KAZALD1: variants seen among roughly 807,000 people sequenced by gnomAD.
The protein encoded by KAZALD1 is Kazal type serine peptidase inhibitor domain 1, also known as kazal-type serine protease inhibitor domain-containing protein 1.
Under a neutral mutation model 27.7 loss-of-function variants are expected in KAZALD1, and 31 were observed. The observed-to-expected ratio is 1.12, with a 90% CI of 0.84 to 1.51. The LOEUF is 1.51. KAZALD1 is among the 40% of genes most tolerant of loss of function. The pLI, the probability that KAZALD1 is intolerant of heterozygous loss-of-function variation, is 0.00. For missense variants in KAZALD1, 444 were observed against 408.9 expected (o/e 1.09, Z -0.74); for synonymous variants, 179 against 182.0 (o/e 0.98, Z 0.13).
intron 2 of KAZALD1, among the ~76,000 whole-genome samples, chr10:101,063,492 C>T (rs1237138262): frequency 6.6e-6 from 1 of 152,224 alleles, no homozygotes; most frequent in Non-Finnish European, 1.5e-5. Context: ...GAGATGCAAT[C>T]ACGTTTCATT....
At position 101,064,607 on chromosome 10, in the gene KAZALD1, G is replaced by A; in HGVS notation, c.779G>A (p.Gly260Asp). The A allele has an allele frequency of 6.2e-7, 1 of 1,613,916 alleles. No individual in the cohort carries two copies. The highest frequency in any genetic ancestry group is 8.5e-7 in the Non-Finnish European group (1 of 1,180,020). ...TYRCLGRNAL[G>D]QVEAPASLTV... ...CGCTGCCTTGGCCGCAATGCCCTGGGTCAAGTGGAGGCCCCTGCTAGCTTG... is the reference window on the plus strand; with the variant it reads ...CGCTGCCTTGGCCGCAATGCCCTGGATCAAGTGGAGGCCCCTGCTAGCTTG... Residue 260 changes from glycine (G) to aspartate (D), a missense_variant, in exon 4 of 5, where the codon GGT (glycine) becomes GAT (aspartate). By Grantham distance (94) the Gly-to-Asp change is moderately conservative (BLOSUM62 -1). Transcript: ENST00000370200.
At position 101,066,716 on chromosome 10, in the gene KAZALD1, C is replaced by T. The variant is rs1939333406; in HGVS notation, c.*1796C>T. The T allele has an allele frequency of 1.1e-5, 4 of 352,028 alleles. No individual in the cohort carries two copies. The highest frequency in any genetic ancestry group is 2.3e-5 in the Non-Finnish European group (4 of 177,214). The allele number at this position is 352,028 out of a possible 1,614,324, so 21.8% of individuals were successfully genotyped here. ...CTCTGCGGGCCCATAGCTCCTACCG[C>T]GTCCACCTGCAGAGCAGAGGCTCCT... On this transcript the variant is annotated 3_prime_UTR_variant, in exon 5 of 5. Coordinates refer to ENST00000370200, the MANE Select transcript of KAZALD1 (RefSeq NM_030929.5).
chr10:101,062,453 T>C (rs1028820035), intron 1 of KAZALD1, 89 bp from the exon 2 acceptor site: 10 of 1,300,522 alleles, frequency 7.7e-6, no homozygotes, highest in Non-Finnish European at 9.3e-6. Context: ...GCGATGCTAG[T>C]GTCATGCTTT....
At position 101,062,866 on chromosome 10, in the gene KAZALD1, C is replaced by G. The variant is rs1228116418; in HGVS notation, c.274C>G (p.Leu92Val). Residue 92 changes from leucine (L) to valine (V), a missense_variant, in exon 2 of 5, where the codon CTG (leucine) becomes GTG (valine). Coordinates refer to ENST00000370200, the MANE Select transcript of KAZALD1 (RefSeq NM_030929.5). ...CAACCTCGAGGGCCAGCTCTGCGAC[C>G]TGGACCCCAGTGCTCACTTCTACGG... ...CANLEGQLCD[L>V]DPSAHFYGHC... The G allele has an allele frequency of 6.2e-7, 1 of 1,601,564 alleles. No homozygotes were observed. Among genetic ancestry groups the G allele is most frequent in the African/African-American group, 1.3e-5 (1 of 74,866 alleles).
chr10:101,067,150 A>C (rs1389490324), downstream of KAZALD1: 3 of 340,630 alleles, frequency 8.8e-6, no homozygotes, highest in Non-Finnish European at 1.8e-5. Context: ...AGGGGGAGGG[A>C]GGGGGAGGGA....
intron 1 of KAZALD1, 93 bp from the exon 2 acceptor site, chr10:101,062,449 C>G: frequency 7.9e-7 from 1 of 1,272,842 alleles, no homozygotes; most frequent in Admixed American, 2.4e-5. Context: ...GGGGGCGATG[C>G]TAGTGTCATG....
intron 2 of KAZALD1, 123 bp from the exon 3 acceptor site, chr10:101,064,138 T>C (rs74233210): frequency 0.01 from 9,876 of 949,116 alleles, 391 homozygotes; most frequent in East Asian, 0.091. Context: ...GATGTGTATT[T>C]ACCTCAGCAT....
At chr10:101,067,085 G>A (rs970271822), downstream of KAZALD1, 5 of 350,622 alleles carry the variant, frequency 1.4e-5, no homozygotes, top group African/African-American at 8.6e-5. Flanking sequence ...ATAAATGAGA[G>A]CGCGGGCGGC....
At position 101,066,479 on chromosome 10, in the gene KAZALD1, G is replaced by A. The variant is rs558181999; in HGVS notation, c.*1559G>A. ...GGAAGCGGGCGGCCCTAGGAGCCGC[G>A]CACAACAGCGCAAGCGGGCTGGATA... On this transcript the variant is annotated 3_prime_UTR_variant, in exon 5 of 5. Transcript: ENST00000370200. 106 of 456,442 alleles carry A rather than the reference G, an allele frequency of 2.3e-4. No individual in the cohort carries two copies. The highest frequency in any genetic ancestry group is 1.9e-3 in the African/African-American group (93 of 50,172). The allele number at this position is 456,442 out of a possible 1,614,324, so 28.3% of individuals were successfully genotyped here.
downstream of KAZALD1, chr10:101,067,747 G>C (rs1590103582): frequency 2.8e-6 from 1 of 361,784 alleles, no homozygotes; most frequent in East Asian, 7.6e-5. Context: ...GTGACCGGGG[G>C]GGTCGATGTG....
At position 101,066,390 on chromosome 10, in the gene KAZALD1, C is replaced by A; in HGVS notation, c.*1470C>A. 2.2e-6 allele frequency: 1 copy of A among 456,758 alleles called. No homozygotes were observed. Among genetic ancestry groups the A allele is most frequent in the Non-Finnish European group, 4.4e-6 (1 of 226,958 alleles). 28.3% of individuals were successfully genotyped at this position (456,758 alleles called of 1,614,324 possible). Reference sequence around the variant, plus strand: ...CCCCTCCCGCGGCTACGCACTACTCCATCTACTGCTGGCTTGCCCCGGGTC... The same window carrying A: ...CCCCTCCCGCGGCTACGCACTACTCAATCTACTGCTGGCTTGCCCCGGGTC... On this transcript the variant is annotated 3_prime_UTR_variant, in exon 5 of 5. Transcript: ENST00000370200.
At chr10:101,064,056 G>A (rs1939244837) in intron 2 of KAZALD1, 3 of 608,610 alleles carry the variant, frequency 4.9e-6, no homozygotes, top group South Asian at 1.9e-5. Flanking sequence ...CTATCTCCAC[G>A]TCTGCGTGGT....
Position 101,062,852 on chromosome 10 carries a change from G to A in KAZALD1, c.260G>A (p.Gly87Asp). 6.3e-7 allele frequency: 1 copy of A among 1,597,236 alleles called. No homozygotes were observed. The highest frequency in any genetic ancestry group is 1.1e-5 in the South Asian group (1 of 90,578). Residue 87 changes from glycine (G) to aspartate (D), a missense_variant, in exon 2 of 5, where the codon GGC (glycine) becomes GAC (aspartate). Physicochemically the swap from Gly to Asp is moderately conservative, Grantham distance 94. Coordinates refer to ENST00000370200, the MANE Select transcript of KAZALD1 (RefSeq NM_030929.5). ...TGCTGGGAATGCGCCAACCTCGAGG[G>A]CCAGCTCTGCGACCTGGACCCCAGT... is the stretch of plus-strand genomic sequence containing the variant. ...GCCWECANLEGQLCDLDPSAH... is the reference protein window; with the variant it reads ...GCCWECANLEDQLCDLDPSAH...
Position 101,066,199 on chromosome 10 carries a change from G to GTGGT in KAZALD1, c.*1279_*1280insTGGT. ...GAGGCCGAGGCGCTGTGTGTAGATG[G>GTGGT]CGACAGCCTCCTACACGCCAGGGCT... On this transcript the variant is annotated 3_prime_UTR_variant, in exon 5 of 5. Coordinates refer to ENST00000370200, the MANE Select transcript of KAZALD1 (RefSeq NM_030929.5). 1 of 316,438 alleles carries GTGGT rather than the reference G, an allele frequency of 3.2e-6. No individual in the cohort carries two copies. The highest frequency in any genetic ancestry group is 6.4e-6 in the Non-Finnish European group (1 of 157,186). The allele number at this position is 316,438 out of a possible 1,614,324, so 19.6% of individuals were successfully genotyped here. A position where few individuals can be genotyped will look rare whatever the true frequency, so the allele number is the denominator to read the frequency against.
intron 4 of KAZALD1, 75 bp downstream of exon 4, chr10:101,064,723 C>T: frequency 6.3e-7 from 1 of 1,598,978 alleles, no homozygotes; most frequent in Non-Finnish European, 8.6e-7. Context: ...AGAAACAGAC[C>T]ATGTGTCTGT....
chr10:101,064,240 A>G (rs1047244131), intron 2 of KAZALD1, 21 bp from the exon 3 acceptor site: 2 of 1,612,822 alleles, frequency 1.2e-6, no homozygotes, highest in Non-Finnish European at 8.5e-7. Flanking sequence ...CTATTCTCAG[A>G]CCTCCCGCCT....
In KAZALD1 at chr10:101,065,874, T is replaced by C. The variant is rs918810276; in HGVS notation, c.*954T>C. 5.3e-5 allele frequency among the ~76,000 whole-genome samples: 8 copies of C among 152,226 alleles called. No individual in the cohort carries two copies. Among genetic ancestry groups the C allele is most frequent in the African/African-American group, 1.9e-4 (8 of 41,456 alleles). ...TTCCAAACCCTTCCCCAGGCCAGAA[T>C]GGGGAACAGGGCTATGTGGGTTGGC... On this transcript the variant is annotated 3_prime_UTR_variant, in exon 5 of 5. Coordinates refer to ENST00000370200, the MANE Select transcript of KAZALD1 (RefSeq NM_030929.5).
intron 2 of KAZALD1, among the ~76,000 whole-genome samples, chr10:101,064,052 C>T (rs1021078977): frequency 1.3e-5 from 2 of 152,206 alleles, no homozygotes; most frequent in Non-Finnish European, 2.9e-5. Context: ...ATACCTATCT[C>T]CACGTCTGCG....
intron 1 of KAZALD1, 114 bp from the exon 2 acceptor site, chr10:101,062,428 G>A (rs995977854): frequency 1.9e-6 from 2 of 1,053,460 alleles, no homozygotes; most frequent in African/African-American, 3.4e-5. Flanking sequence ...AGGCTACTTG[G>A]TAGCAGGGGA....
Sources: allele counts gnomAD v4.1 joint callset (sites outside exome capture counted in the v4.1 genomes callset), GRCh38; gene constraint gnomAD v4.1.1; transcripts MANE v1.5; gene names NCBI Gene and HGNC (gene_info 2026-07-23, HGNC 2026-07-21).